The following NDNF variants were observed in gnomAD, a reference collection of about 807,000 sequenced individuals.
NDNF encodes the protein neuron derived neurotrophic factor.
Under a neutral mutation model 42.0 loss-of-function variants are expected in NDNF, and 16 were observed. That is an observed-to-expected ratio of 0.38 (90% CI 0.26 to 0.58). The LOEUF is 0.58. NDNF is among the 20% of genes least tolerant of loss of function. NDNF has a pLI of 0.67. For synonymous variants in NDNF, 248 were observed against 251.7 expected (o/e 0.99, Z 0.14); for missense variants, 616 against 666.2 (o/e 0.92, Z 0.83).
intron 2 of NDNF, among the ~76,000 whole-genome samples, chr4:121,043,205 T>C (rs575213810): frequency 6.6e-6 from 1 of 152,182 alleles, no homozygotes. Flanking sequence ...GCCCAAATTA[T>C]AGTGCCAAAG....
In NDNF at chr4:121,064,122, G is replaced by A. The variant is rs948925217; in HGVS notation, c.-2+7871C>T. 3.1e-4 allele frequency among the ~76,000 whole-genome samples: 47 copies of A among 152,274 alleles called. 1 individual carries two copies. Among genetic ancestry groups the A allele is most frequent in the African/African-American group, 1.1e-3 (44 of 41,558 alleles). On this transcript the variant is annotated intron_variant, in intron 1 of 3. Transcript: ENST00000379692. The stretch of plus-strand genomic sequence containing the variant: ...AATGTGGCAACTAATCTCAGCTTAA[G>A]CTTTTAAACATTTTCATCAATTTTG...
chr4:121,042,551 T>C (rs1727017017), intron 2 of NDNF, among the ~76,000 whole-genome samples: 1 of 152,226 alleles, frequency 6.6e-6, no homozygotes, highest in Admixed American at 6.5e-5. Context: ...TAATGTACCA[T>C]AAGCATTCCT....
chr4:121,048,324 C>T (rs1727129793), intron 1 of NDNF, among the ~76,000 whole-genome samples: 3 of 152,212 alleles, frequency 2.0e-5, no homozygotes, highest in South Asian at 4.1e-4. Context: ...ATATTTGCCT[C>T]AGAGCCACTC....
Position 121,036,551 on chromosome 4 carries a change from C to T in NDNF, c.1420G>A (p.Glu474Lys). ...SATVAWLGTQERNKFCIYKKE... is the reference protein window; with the variant it reads ...SATVAWLGTQKRNKFCIYKKE... ...TTGTAGATGCAAAACTTGTTCCTTT[C>T]CTGAGTGCCTAGCCAAGCCACGGTG... is the stretch of plus-strand genomic sequence containing the variant. Residue 474 changes from glutamate (E) to lysine (K), a missense_variant, in exon 4 of 4, where the codon GAA becomes AAA. Physicochemically the swap from Glu to Lys is moderately conservative, Grantham distance 56. Coordinates refer to ENST00000379692, the MANE Select transcript of NDNF (RefSeq NM_024574.4). The T allele has an allele frequency of 1.2e-6, 2 of 1,614,082 alleles. No individual in the cohort carries two copies. The highest frequency in any genetic ancestry group is 1.7e-6 in the Non-Finnish European group (2 of 1,179,990).
In NDNF at chr4:121,036,276, T is replaced by C. The variant is rs779041068; in HGVS notation, c.1695A>G (p.Arg565=). The part of the protein sequence containing the change: ...VKYQSKVVKT[R]KFC Reference sequence around the variant, plus strand: ...TATAAGAAGGTAACTAACAGAACTTTCTAGTTTTCACAACCTTACTCTGAT... The same window carrying C: ...TATAAGAAGGTAACTAACAGAACTTCCTAGTTTTCACAACCTTACTCTGAT... The change falls in exon 4 of 4, where the codon AGA becomes AGG. Residue 565 remains arginine (R), a synonymous_variant. Transcript: ENST00000379692. 2.5e-6 allele frequency: 4 copies of C among 1,598,040 alleles called. No homozygotes were observed. The East Asian group carries it at 6.7e-5, about 27-fold the overall frequency.
At position 121,039,926 on chromosome 4, in the gene NDNF, T is replaced by G. The variant is rs2148763457; in HGVS notation, c.313+4A>C. 6.2e-7 allele frequency: 1 copy of G among 1,612,350 alleles called. No individual in the cohort carries two copies. Among genetic ancestry groups the G allele is most frequent in the East Asian group, 2.2e-5 (1 of 44,792 alleles). On this transcript the variant is annotated splice_donor_region_variant and intron_variant, in intron 3 of 3. Transcript: ENST00000379692. ...TCCAGGGGCAGATCTATCCTGCTGC[T>G]TACCTGAGCCTTCCCCGCTCCTGTC... is the stretch of plus-strand genomic sequence containing the variant.
chr4:121,068,257 A>G (rs1727533771), intron 1 of NDNF, among the ~76,000 whole-genome samples: 2 of 152,198 alleles, frequency 1.3e-5, no homozygotes, highest in South Asian at 4.1e-4. Context: ...TTACATTTGT[A>G]ATACAGTGGA....
At chr4:121,051,035 G>A (rs1579315429) in intron 1 of NDNF, among the ~76,000 whole-genome samples, 1 of 152,168 alleles carries the variant, frequency 6.6e-6, no homozygotes, top group East Asian at 1.9e-4. Flanking sequence ...TCAAAAATGT[G>A]GAAACATTAT....
chr4:121,068,163 A>G (rs1313977663), intron 1 of NDNF, among the ~76,000 whole-genome samples: 1 of 152,224 alleles, frequency 6.6e-6, no homozygotes, highest in Non-Finnish European at 1.5e-5. Flanking sequence ...TTTTTTAACA[A>G]CAGCAGCAAA....
At chr4:121,040,815 A>T (rs906821301) in intron 2 of NDNF, among the ~76,000 whole-genome samples, 19 of 151,950 alleles carry the variant, frequency 1.3e-4, no homozygotes, top group African/African-American at 4.1e-4. Context: ...GCTAATTTTT[A>T]AATTTTTTTG....
At chr4:121,049,866 T>G (rs1486572535) in intron 1 of NDNF, among the ~76,000 whole-genome samples, 2 of 152,214 alleles carry the variant, frequency 1.3e-5, no homozygotes, top group Non-Finnish European at 2.9e-5. Context: ...AAACATACTT[T>G]TCAAAAAAGT....
In NDNF at chr4:121,036,773, T is replaced by G; in HGVS notation, c.1198A>C (p.Asn400His). The change falls in exon 4 of 4, where the codon AAT becomes CAT. Residue 400 changes from asparagine (N) to histidine (H), a missense_variant. Transcript: ENST00000379692. ...TGAAACTGCTGAATGCCTTCCACAT[T>G]CTGAGACAGAAGAAGTTTCCCATCT... ...RRDGKLLLSQ[N>H]VEGIQQFQLR... 1 of 1,614,152 alleles carries G rather than the reference T, an allele frequency of 6.2e-7. No homozygotes were observed. The highest frequency in any genetic ancestry group is 1.1e-5 in the South Asian group (1 of 91,082).
At chr4:121,048,209 A>C (rs4446338) in intron 1 of NDNF, among the ~76,000 whole-genome samples, 117,634 of 152,212 alleles carry the variant, frequency 0.77, 46,329 homozygotes, top group East Asian at 0.88. Flanking sequence ...ACGAGGCCAA[A>C]TAAAGAAGAA....
At chr4:121,054,066 A>T (rs1191289682) in intron 1 of NDNF, among the ~76,000 whole-genome samples, 1 of 152,172 alleles carries the variant, frequency 6.6e-6, no homozygotes, top group Admixed American at 6.5e-5. Flanking sequence ...TAAAAATTTG[A>T]TTTTTTATAG....
At chr4:121,057,354 A>G (rs1289668597) in intron 1 of NDNF, among the ~76,000 whole-genome samples, 1 of 152,136 alleles carries the variant, frequency 6.6e-6, no homozygotes, top group African/African-American at 2.4e-5. Context: ...GAGAACACTG[A>G]GGAAGAGACA....
intron 1 of NDNF, among the ~76,000 whole-genome samples, chr4:121,061,997 G>A (rs1579321312): frequency 6.6e-6 from 1 of 152,258 alleles, no homozygotes; most frequent in East Asian, 1.9e-4. Flanking sequence ...AATTAAAAAG[G>A]TTCTATTTAT....
At chr4:121,047,550 T>C (rs1003818179) in intron 1 of NDNF, among the ~76,000 whole-genome samples, 1 of 152,234 alleles carries the variant, frequency 6.6e-6, no homozygotes, top group Non-Finnish European at 1.5e-5. Flanking sequence ...AATAACTTAT[T>C]ATGAGGCTTT....
chr4:121,046,392 T>C (rs544274001), intron 1 of NDNF, among the ~76,000 whole-genome samples: 3 of 152,360 alleles, frequency 2.0e-5, no homozygotes, highest in African/African-American at 7.2e-5. Flanking sequence ...AAAATCTGAC[T>C]AGGGGTTATA....
rs1232977331 is a variant in NDNF at position 121,060,390 on chromosome 4, A to G, written c.-2+11603T>C. Among the ~76,000 whole-genome samples the G allele has an allele frequency of 2.6e-5, 4 of 152,128 alleles. No individual in the cohort carries two copies. In the East Asian group the frequency reaches 7.7e-4, roughly 29 times the overall value. Reference sequence around the variant, plus strand: ...GAGATGAGGTTTCCATTGGTTGCCCAGGCTGGTTTTGAACTCCTGGCTTCA... The same window carrying G: ...GAGATGAGGTTTCCATTGGTTGCCCGGGCTGGTTTTGAACTCCTGGCTTCA... On this transcript the variant is annotated intron_variant, in intron 1 of 3. Transcript: ENST00000379692.
Sources: gnomAD v4.1 joint callset for allele counts (sites outside exome capture counted in the v4.1 genomes callset) on GRCh38, gnomAD v4.1.1 for gene constraint, MANE v1.5 for transcripts, NCBI Gene and HGNC (gene_info 2026-07-23, HGNC 2026-07-21) for gene names.